The following PRKCH variants were observed in gnomAD, a reference collection of about 807,000 sequenced individuals.
PRKCH encodes the protein protein kinase C eta type.
A neutral mutation model predicts 82.5 loss-of-function variants in PRKCH; 28 were observed. That is an observed-to-expected ratio of 0.34 (90% confidence interval 0.25 to 0.47). PRKCH has a LOEUF of 0.47. Ranked by LOEUF, PRKCH falls within the 20% of genes least tolerant of loss-of-function variation. The pLI is 1.00. For missense variants in PRKCH, 705 were observed against 881.8 expected (o/e 0.80, Z 2.54); for synonymous variants, 322 against 327.4 (o/e 0.98, Z 0.18).
intron 2 of PRKCH, 67 bp from the exon 3 acceptor site, chr14:61,443,044 T>C: frequency 6.9e-7 from 1 of 1,457,740 alleles, no homozygotes; most frequent in Non-Finnish European, 9.3e-7. Context: ...CTATCAAACT[T>C]TCTCATCTAT....
chr14:61,403,072 G>C (rs1240728195), intron 2 of PRKCH, among the ~76,000 whole-genome samples: 1 of 151,864 alleles, frequency 6.6e-6, no homozygotes, highest in African/African-American at 2.4e-5. Context: ...AAAGAGATTT[G>C]CAAATTGTAA....
chr14:61,259,282 T>C (rs1477022796), intron 1 of PRKCH, among the ~76,000 whole-genome samples: 2 of 152,186 alleles, frequency 1.3e-5, no homozygotes, highest in Non-Finnish European at 2.9e-5. Context: ...AGAGTGACAA[T>C]TGTTTGCAGC....
intron 12 of PRKCH, among the ~76,000 whole-genome samples, chr14:61,535,913 G>A (rs994085496): frequency 4.6e-5 from 7 of 152,162 alleles, no homozygotes; most frequent in Non-Finnish European, 1.0e-4. Flanking sequence ...TGTTACTGTC[G>A]TCTAAAATTT....
At chr14:61,471,895 T>G (rs1016905068) in intron 9 of PRKCH, among the ~76,000 whole-genome samples, 2 of 152,116 alleles carry the variant, frequency 1.3e-5, no homozygotes, top group Non-Finnish European at 2.9e-5. Context: ...GTATGAAAAG[T>G]CAAATGGGTT....
intron 12 of PRKCH, chr14:61,543,708 G>A (rs1001340176): frequency 4.6e-5 from 7 of 152,226 alleles, no homozygotes; most frequent in African/African-American, 1.7e-4. Context: ...GCCCCGAGGA[G>A]CACAATTGTT....
intron 10 of PRKCH, among the ~76,000 whole-genome samples, chr14:61,510,127 G>C (rs1315295532): frequency 6.6e-6 from 1 of 152,138 alleles, no homozygotes; most frequent in Non-Finnish European, 1.5e-5. Flanking sequence ...TATGATCAGA[G>C]GACCAGAGCC....
At chr14:61,481,731 C>CT (rs1282503244) in intron 9 of PRKCH, among the ~76,000 whole-genome samples, 1 of 152,192 alleles carries the variant, frequency 6.6e-6, no homozygotes, top group Non-Finnish European at 1.5e-5. Context: ...CTATAGCCAT[C>CT]TTTTTTATCC....
At chr14:61,513,009 G>A (rs966371968) in intron 10 of PRKCH, among the ~76,000 whole-genome samples, 4 of 152,112 alleles carry the variant, frequency 2.6e-5, no homozygotes, top group South Asian at 4.1e-4. Flanking sequence ...TATAGAGACA[G>A]GGTCTCACTG....
At chr14:61,259,361 G>A (rs1015176562) in intron 1 of PRKCH, among the ~76,000 whole-genome samples, 28 of 152,252 alleles carry the variant, frequency 1.8e-4, no homozygotes, top group African/African-American at 5.1e-4. Flanking sequence ...TTTTCTGGGC[G>A]TTTATGGAAG....
intron 1 of PRKCH, among the ~76,000 whole-genome samples, chr14:61,189,920 T>C (rs2044396950): frequency 6.6e-6 from 1 of 152,178 alleles, no homozygotes; most frequent in Non-Finnish European, 1.5e-5. Context: ...CTGATAGCCC[T>C]GTTTCTTTCT....
intron 1 of PRKCH, among the ~76,000 whole-genome samples, chr14:61,367,414 C>T (rs1230365196): frequency 1.3e-5 from 2 of 151,306 alleles, no homozygotes; most frequent in East Asian, 1.9e-4. Context: ...TAATTGCCAC[C>T]GAGGTCACCG....
At chr14:61,474,007 A>T (rs1885619740) in intron 9 of PRKCH, among the ~76,000 whole-genome samples, 1 of 150,012 alleles carries the variant, frequency 6.7e-6, no homozygotes, top group South Asian at 2.1e-4. Flanking sequence ...AAAAAAAAAA[A>T]TCAAAAATCT....
intron 12 of PRKCH, among the ~76,000 whole-genome samples, chr14:61,538,914 C>T (rs2043146426): frequency 6.6e-6 from 1 of 152,200 alleles, no homozygotes; most frequent in African/African-American, 2.4e-5. Flanking sequence ...ATAGTCCCCA[C>T]TAGAGAATCT....
chr14:61,484,291 C>T (rs867187186), intron 9 of PRKCH, among the ~76,000 whole-genome samples: 5 of 86,408 alleles, frequency 5.8e-5, no homozygotes, highest in African/African-American at 4.5e-5. Flanking sequence ...GCTTGTGTCA[C>T]TTTTTTTTTT....
At chr14:61,486,801 A>G (rs190642765) in intron 10 of PRKCH, among the ~76,000 whole-genome samples, 384 of 152,142 alleles carry the variant, frequency 2.5e-3, no homozygotes, top group Non-Finnish European at 4.4e-3. Context: ...GGCATGAGTC[A>G]CCACACCCAG....
intron 1 of PRKCH, among the ~76,000 whole-genome samples, chr14:61,194,932 C>T (rs1237804808): frequency 6.6e-6 from 1 of 152,138 alleles, no homozygotes; most frequent in South Asian, 2.1e-4. Flanking sequence ...CAGGGTTTCA[C>T]CATGTCGGCC....
chr14:61,360,371 G>A (rs1474277446), intron 1 of PRKCH, among the ~76,000 whole-genome samples: 1 of 152,098 alleles, frequency 6.6e-6, no homozygotes, highest in African/African-American at 2.4e-5. Context: ...CGGGCATGGT[G>A]GTGGGCGCCT....
At chr14:61,378,054 A>T (rs970366978) in intron 1 of PRKCH, among the ~76,000 whole-genome samples, 13 of 151,954 alleles carry the variant, frequency 8.6e-5, no homozygotes, top group African/African-American at 3.1e-4. Flanking sequence ...GTGTGTTCTG[A>T]TATTAGTTCT....
At chr14:61,366,111 G>A (rs1030152661) in intron 1 of PRKCH, among the ~76,000 whole-genome samples, 23 of 152,212 alleles carry the variant, frequency 1.5e-4, no homozygotes, top group South Asian at 4.1e-4. Context: ...AGATGAGACA[G>A]TGATTGCAGA....
Sources: allele counts gnomAD v4.1 joint callset (sites outside exome capture counted in the v4.1 genomes callset), GRCh38; gene constraint gnomAD v4.1.1; transcripts MANE v1.5; gene names NCBI Gene and HGNC (gene_info 2026-07-23, HGNC 2026-07-21).